KDM4C: variants seen among roughly 807,000 people sequenced by gnomAD.
The protein encoded by KDM4C is lysine demethylase 4C, also known as lysine-specific demethylase 4C.
A neutral mutation model predicts 129.3 loss-of-function variants in KDM4C; 81 were observed. The observed-to-expected ratio is 0.63, with a 90% CI of 0.52 to 0.75. KDM4C has a LOEUF of 0.75. KDM4C is among the 30% of genes least tolerant of loss of function. The pLI, the probability that KDM4C is intolerant of heterozygous loss-of-function variation, is 0.00. For missense variants in KDM4C, 1,457 were observed against 1,304.0 expected, an observed-to-expected ratio of 1.12 and a Z score of -1.81; for synonymous variants, 573 against 456.1, an observed-to-expected ratio of 1.26 and a Z score of -3.26.
At chr9:7,036,573 A>G (rs186431364) in intron 15 of KDM4C, among the ~76,000 whole-genome samples, 1 of 152,292 alleles carries the variant, frequency 6.6e-6, no homozygotes, top group African/African-American at 2.4e-5. Flanking sequence ...TTTTATGTAA[A>G]TTGTCGTCTG....
intron 8 of KDM4C, among the ~76,000 whole-genome samples, chr9:6,961,100 C>T (rs144573614): frequency 1.3e-5 from 2 of 152,172 alleles, no homozygotes; most frequent in African/African-American, 2.4e-5. Context: ...AATAGCCACA[C>T]AAGTTTGTTT....
At chr9:6,743,269 C>T (rs1268989585) in intron 1 of KDM4C, among the ~76,000 whole-genome samples, 3 of 152,100 alleles carry the variant, frequency 2.0e-5, no homozygotes, top group South Asian at 2.1e-4. Flanking sequence ...ACCCCTTCAA[C>T]GACATCACTG....
intron 17 of KDM4C, among the ~76,000 whole-genome samples, chr9:7,050,975 T>C (rs1179220562): frequency 6.6e-6 from 1 of 152,212 alleles, no homozygotes; most frequent in Non-Finnish European, 1.5e-5. Context: ...ATTTCCTTCC[T>C]TAAGCAGTCG....
intron 19 of KDM4C, among the ~76,000 whole-genome samples, chr9:7,153,692 G>A (rs966911421): frequency 6.6e-6 from 1 of 152,126 alleles, no homozygotes; most frequent in Admixed American, 6.6e-5. Context: ...TACTTATCAG[G>A]GTTGTTAATG....
intron 8 of KDM4C, among the ~76,000 whole-genome samples, chr9:6,924,100 C>T (rs1233211587): frequency 1.3e-5 from 2 of 152,160 alleles, no homozygotes; most frequent in Admixed American, 1.3e-4. Context: ...AATCCTTTTT[C>T]TAATAGCTGC....
At chr9:7,126,237 G>A (rs1390126000) in intron 18 of KDM4C, among the ~76,000 whole-genome samples, 2 of 152,122 alleles carry the variant, frequency 1.3e-5, no homozygotes, top group Admixed American at 6.6e-5. Flanking sequence ...AATAAAGATG[G>A]AGTCTACAAT....
At chr9:6,909,019 C>T (rs532386651) in intron 8 of KDM4C, among the ~76,000 whole-genome samples, 68 of 152,286 alleles carry the variant, frequency 4.5e-4, no homozygotes, top group Non-Finnish European at 5.0e-4. Flanking sequence ...TGACAGTTAC[C>T]ATGAGTGCAT....
intron 8 of KDM4C, among the ~76,000 whole-genome samples, chr9:6,919,017 A>G (rs556937445): frequency 4.6e-5 from 7 of 151,894 alleles, no homozygotes; most frequent in Non-Finnish European, 8.8e-5. Flanking sequence ...ATGCCTGGCT[A>G]ATTTTTGTAG....
chr9:6,732,186 G>A (rs1477465209), intron 1 of KDM4C, among the ~76,000 whole-genome samples: 4 of 151,388 alleles, frequency 2.6e-5, no homozygotes, highest in Non-Finnish European at 2.9e-5. Context: ...CTAACACAGT[G>A]AAACCCCATC....
intron 19 of KDM4C, among the ~76,000 whole-genome samples, chr9:7,158,535 A>G (rs28863830): frequency 0.064 from 9,810 of 152,128 alleles, 569 homozygotes; most frequent in African/African-American, 0.15. Flanking sequence ...AGATTCTGGT[A>G]TGTTGTCTTT....
chr9:6,776,598 CTTT>C (rs34450311), intron 1 of KDM4C, among the ~76,000 whole-genome samples: 1 of 106,188 alleles, frequency 9.4e-6, no homozygotes, highest in East Asian at 2.5e-4. Flanking sequence ...CTCAAACCCA[CTTT>C]TTTTTTTTTT....
intron 8 of KDM4C, among the ~76,000 whole-genome samples, chr9:6,968,504 G>A (rs1295256859): frequency 2.6e-5 from 4 of 152,124 alleles, no homozygotes; most frequent in African/African-American, 9.7e-5. Flanking sequence ...TCTCTCTGAT[G>A]TTGCTGTGGT....
In KDM4C at chr9:6,772,692, CTTT is replaced by C. The variant is rs111924156; in HGVS notation, c.-18+14505_-18+14507del. 2.9e-4 allele frequency among the ~76,000 whole-genome samples: 37 copies of C among 126,682 alleles called. 1 individual carries two copies. The highest frequency in any genetic ancestry group is 7.5e-4 in the African/African-American group (26 of 34,488). The allele number at this position is 126,682 out of a possible 152,430, so 83.1% of individuals were successfully genotyped here. On this transcript the variant is annotated intron_variant, in intron 1 of 21. Transcript: ENST00000381309. Reference sequence around the variant, plus strand: ...ATTTTCTTTGATTTTTTTTCTTTTACTTTTTTTTTTTTTTTTTTGAGATGGAGT... The same window carrying C: ...ATTTTCTTTGATTTTTTTTCTTTTACTTTTTTTTTTTTTTTGAGATGGAGT...
chr9:6,812,241 A>G (rs1831292747), intron 3 of KDM4C, among the ~76,000 whole-genome samples: 1 of 152,098 alleles, frequency 6.6e-6, no homozygotes, highest in African/African-American at 2.4e-5. Flanking sequence ...TCAAAAAAAA[A>G]AAAAAAAGTT....
At chr9:7,011,957 T>G (rs1377661170) in intron 13 of KDM4C, 78 bp downstream of exon 13, 1 of 1,226,618 alleles carries the variant, frequency 8.2e-7, no homozygotes, top group African/African-American at 1.5e-5. Context: ...CACTGTAAAT[T>G]GTTGTGGGCT....
intron 1 of KDM4C, among the ~76,000 whole-genome samples, chr9:6,787,023 C>T (rs975631486): frequency 6.6e-6 from 1 of 152,062 alleles, no homozygotes; most frequent in Non-Finnish European, 1.5e-5. Flanking sequence ...GGTCTAAAAC[C>T]TAAGCTATCT....
chr9:6,806,955 G>T (rs866323053), intron 3 of KDM4C, among the ~76,000 whole-genome samples: 6 of 151,092 alleles, frequency 4.0e-5, no homozygotes, highest in Non-Finnish European at 8.8e-5. Context: ...CGGAGCGGAA[G>T]CTGGACTGTA....
At chr9:6,761,473 A>G (rs542836086) in intron 1 of KDM4C, among the ~76,000 whole-genome samples, 2 of 151,736 alleles carry the variant, frequency 1.3e-5, no homozygotes, top group Non-Finnish European at 2.9e-5. Flanking sequence ...AGTAGGTGGG[A>G]CTACAGGTAC....
At chr9:6,852,447 T>G (rs1409206622) in intron 5 of KDM4C, among the ~76,000 whole-genome samples, 1 of 152,196 alleles carries the variant, frequency 6.6e-6, no homozygotes, top group Non-Finnish European at 1.5e-5. Flanking sequence ...CTCCAGTCAT[T>G]CTGATTCTGT....
Sources: allele counts gnomAD v4.1 joint callset (sites outside exome capture counted in the v4.1 genomes callset), GRCh38; gene constraint gnomAD v4.1.1; transcripts MANE v1.5; gene names NCBI Gene and HGNC (gene_info 2026-07-23, HGNC 2026-07-21).